COL10A1: variants seen among roughly 807,000 people sequenced by gnomAD.
COL10A1 encodes the protein collagen alpha-1(X) chain.
A neutral mutation model predicts 18.2 loss-of-function variants in COL10A1; 10 were observed. The ratio of observed to expected loss-of-function variants is 0.55; its 90% CI spans 0.34 to 0.93. COL10A1 has a LOEUF of 0.93. COL10A1 is among the 40% of genes least tolerant of loss of function. The probability of loss-of-function intolerance (pLI) is 0.02; values close to 1 mark genes in which losing one functional copy is unlikely to be tolerated. For synonymous variants in COL10A1, 330 were observed against 316.6 expected (o/e 1.04, Z -0.45); for missense variants, 897 against 853.5 (o/e 1.05, Z -0.64).
chr6:116,191,827 C>T, the COL10A1 span, among the ~76,000 whole-genome samples: 12 of 152,084 alleles, frequency 7.9e-5, no homozygotes, highest in South Asian at 2.5e-3. Context: ...TTCCCCAAAC[C>T]TTAAGGCTGC....
At chr6:116,169,851 G>C in the COL10A1 span, among the ~76,000 whole-genome samples, 1 of 152,166 alleles carries the variant, frequency 6.6e-6, no homozygotes, top group South Asian at 2.1e-4. Flanking sequence ...GAAAAACTCA[G>C]ATTGAGCAAG....
chr6:116,158,911 C>T (rs958568294), upstream of COL10A1, among the ~76,000 whole-genome samples: 1 of 152,050 alleles, frequency 6.6e-6, no homozygotes, highest in African/African-American at 2.4e-5. Flanking sequence ...TTTTTTGAGA[C>T]GCAGATGGGG....
intron 1 of COL10A1, among the ~76,000 whole-genome samples, chr6:116,151,843 A>T (rs982625543): frequency 6.6e-6 from 1 of 152,200 alleles, no homozygotes; most frequent in African/African-American, 2.4e-5. Context: ...GTTTATTGAG[A>T]TATTAATAAA....
At chr6:116,142,030 T>C (rs1229704590) in intron 1 of COL10A1, among the ~76,000 whole-genome samples, 1 of 152,078 alleles carries the variant, frequency 6.6e-6, no homozygotes, top group African/African-American at 2.4e-5. Context: ...AAAGATTTGT[T>C]ACTTCTGAGT....
At chr6:116,126,358 C>G (rs529005385), upstream of COL10A1, among the ~76,000 whole-genome samples, 1 of 152,076 alleles carries the variant, frequency 6.6e-6, no homozygotes, top group South Asian at 2.1e-4. Context: ...CAAGGACCGT[C>G]TTTGTCTGTG....
chr6:116,121,513 C>G lies in COL10A1; in HGVS notation c.603G>C (p.Glu201Asp). Residue 201 changes from glutamate to aspartate, a missense_variant, in exon 3 of 3, where the codon GAG (glutamate) becomes GAC (aspartate). Coordinates refer to ENST00000651968, the MANE Select transcript of COL10A1 (RefSeq NM_000493.4). ...MGYGAPGRPGERGLPGPQGPT... is the reference protein window; with the variant it reads ...MGYGAPGRPGDRGLPGPQGPT... ...GACCCTGAGGGCCTGGAAGACCCCT[C>G]TCACCTGGACGACCAGGAGCACCAT... 6.2e-7 allele frequency: 1 copy of G among 1,614,140 alleles called. No individual in the cohort carries two copies. Among genetic ancestry groups the G allele is most frequent in the Non-Finnish European group, 8.5e-7 (1 of 1,180,018 alleles).
rs192746104 is a variant in COL10A1 at position 116,138,772 on chromosome 6, T to C, written c.-15-13265A>G. ...TCATTTTGTAGTATTTATATTTGTA[T>C]AGAATTGTATATTTAGCATGAGTTA... is the stretch of plus-strand genomic sequence containing the variant. On this transcript the variant is annotated intron_variant, in intron 1 of 1. Coordinates refer to the COL10A1 transcript ENST00000418500. 2.6e-3 allele frequency among the ~76,000 whole-genome samples: 396 copies of C among 152,252 alleles called. 10 individuals are homozygous for C. The South Asian group carries it at 0.043, about 17-fold the overall frequency.
At position 116,119,235 on chromosome 6, in the gene COL10A1, T is replaced by A. The variant is rs546821214; in HGVS notation, c.*838A>T. 8.5e-5 allele frequency: 13 copies of A among 152,808 alleles called. No homozygotes were observed. Among genetic ancestry groups the A allele is most frequent in the African/African-American group, 2.9e-4 (12 of 41,600 alleles). 9.5% of individuals were successfully genotyped at this position (152,808 alleles called of 1,614,324 possible). A position where few individuals can be genotyped will look rare whatever the true frequency, so the allele number is the denominator to read the frequency against. On this transcript the variant is annotated 3_prime_UTR_variant, in exon 3 of 3. Transcript: ENST00000651968. The stretch of plus-strand genomic sequence containing the variant: ...TTGAATGGGAGGCACAAGGTACATG[T>A]GCTAATGTTCTGTAAATCCAGAAAA...
At chr6:116,154,968 A>C (rs1304938585) in intron 1 of COL10A1, among the ~76,000 whole-genome samples, 3 of 152,172 alleles carry the variant, frequency 2.0e-5, no homozygotes, top group Non-Finnish European at 4.4e-5. Context: ...ATACAACCAC[A>C]TTGTTCTTTC....
At chr6:116,183,725 G>T in the COL10A1 span, among the ~76,000 whole-genome samples, 1 of 151,750 alleles carries the variant, frequency 6.6e-6, no homozygotes, top group Admixed American at 6.6e-5. Context: ...GTATAGCAGG[G>T]CTACTCATTT....
At chr6:116,200,644 A>G in the COL10A1 span, among the ~76,000 whole-genome samples, 1,360 of 152,154 alleles carry the variant, frequency 8.9e-3, 11 homozygotes, top group Non-Finnish European at 0.014. Flanking sequence ...GCTCTGGTAT[A>G]TAATTCCCTT....
chr6:116,136,857 A>C (rs1396897411), intron 1 of COL10A1, among the ~76,000 whole-genome samples: 1 of 152,166 alleles, frequency 6.6e-6, no homozygotes, highest in Non-Finnish European at 1.5e-5. Flanking sequence ...CAAATGCAAA[A>C]ATCTGAAACC....
the COL10A1 span, among the ~76,000 whole-genome samples, chr6:116,216,204 A>G: frequency 4.6e-5 from 7 of 152,180 alleles, no homozygotes; most frequent in African/African-American, 7.2e-5. Flanking sequence ...GTACAAGGCT[A>G]TATGTTAGGT....
At chr6:116,131,021 A>C (rs1303720842), upstream of COL10A1, among the ~76,000 whole-genome samples, 1 of 152,098 alleles carries the variant, frequency 6.6e-6, no homozygotes, top group Non-Finnish European at 1.5e-5. Flanking sequence ...GGTTTGTTTC[A>C]TTTTGCTTTC....
the COL10A1 span, among the ~76,000 whole-genome samples, chr6:116,167,854 G>A: frequency 8.7e-4 from 132 of 152,190 alleles, 1 homozygote; most frequent in Middle Eastern, 3.4e-3. Context: ...CTGTGTATTG[G>A]ATGTTGATTT....
chr6:116,195,081 T>C, the COL10A1 span, among the ~76,000 whole-genome samples: 1 of 152,102 alleles, frequency 6.6e-6, no homozygotes, highest in African/African-American at 2.4e-5. Flanking sequence ...TGAATTGTTT[T>C]TGCTTGCCAG....
intron 1 of COL10A1, among the ~76,000 whole-genome samples, chr6:116,156,598 G>A (rs746969322): frequency 2.6e-5 from 4 of 152,212 alleles, no homozygotes; most frequent in Admixed American, 2.0e-4. Flanking sequence ...GGAAGTCTTC[G>A]TGGAGGCAAT....
chr6:116,165,098 GAA>G, the COL10A1 span, among the ~76,000 whole-genome samples: 16 of 101,042 alleles, frequency 1.6e-4, no homozygotes, highest in Middle Eastern at 5.3e-3. Context: ...CTCCGTCTCA[GAA>G]AAAAAAAAAA....
chr6:116,120,640 T>C lies in COL10A1; in HGVS notation c.1476A>G (p.Pro492=). The C allele has an allele frequency of 6.5e-7, 1 of 1,550,292 alleles. No homozygotes were observed. Among genetic ancestry groups the C allele is most frequent in the Non-Finnish European group, 8.6e-7 (1 of 1,156,260 alleles). The part of the protein sequence containing the change: ...TKGLNGPTGP[P]GPPGPRGHSG... The stretch of plus-strand genomic sequence containing the variant: ...AGTGGCCTCTTGGACCTGGAGGCCC[T>C]GGTGGCCCGGTGGGTCCATTGAGGC... The change falls in exon 3 of 3, where the codon CCA becomes CCG. Residue 492 remains proline (P), a synonymous_variant. Coordinates refer to ENST00000651968, the MANE Select transcript of COL10A1 (RefSeq NM_000493.4).
Sources: gnomAD v4.1 joint callset for allele counts (sites outside exome capture counted in the v4.1 genomes callset) on GRCh38, gnomAD v4.1.1 for gene constraint, MANE v1.5 for transcripts, NCBI Gene and HGNC (gene_info 2026-07-23, HGNC 2026-07-21) for gene names.